The following ARHGAP6 variants were observed in gnomAD, a reference collection of about 807,000 sequenced individuals.
ARHGAP6 encodes the protein rho GTPase-activating protein 6.
ARHGAP6 carries 16 observed loss-of-function variants against 55.7 expected under a neutral mutation model. The observed-to-expected ratio is 0.29, with a 90% CI of 0.19 to 0.44. ARHGAP6 has a LOEUF of 0.44. Among genes scored for constraint, ARHGAP6 ranks in the 20% least tolerant of loss-of-function variants. The pLI, the probability that ARHGAP6 is intolerant of heterozygous loss-of-function variation, is 1.00. For synonymous variants in ARHGAP6, 382 were observed against 360.9 expected (o/e 1.06, Z -0.66); for missense variants, 698 against 808.9 (o/e 0.86, Z 1.66).
chrX:11,624,671 C>G (rs2052273564), intron 1 of ARHGAP6, among the ~76,000 whole-genome samples: 1 of 112,368 alleles, frequency 8.9e-6, no homozygotes, highest in East Asian at 2.8e-4. Context: ...CCTGCCTCAG[C>G]CTCCTGAGTA....
intron 1 of ARHGAP6, among the ~76,000 whole-genome samples, chrX:11,346,934 CAAACA>C (rs913605617): frequency 1.0e-5 from 1 of 99,767 alleles, no homozygotes; most frequent in Non-Finnish European, 2.0e-5. Context: ...AACAAACAAA[CAAACA>C]AACAAACAAA....
At chrX:11,368,847 C>A (rs1325776434) in intron 1 of ARHGAP6, among the ~76,000 whole-genome samples, 1 of 111,608 alleles carries the variant, frequency 9.0e-6, no homozygotes, top group Non-Finnish European at 1.9e-5. Context: ...AATTGTCACC[C>A]TTTTAAATTT....
At chrX:11,507,483 A>G (rs2050745905) in intron 1 of ARHGAP6, among the ~76,000 whole-genome samples, 1 of 112,050 alleles carries the variant, frequency 8.9e-6, no homozygotes, top group East Asian at 2.8e-4. Context: ...GTACATTTGT[A>G]TCTTCTTAAA....
chrX:11,257,593 T>C (rs947228363), intron 1 of ARHGAP6, among the ~76,000 whole-genome samples: 1 of 112,462 alleles, frequency 8.9e-6, no homozygotes, highest in Non-Finnish European at 1.9e-5. Context: ...TTTGTTCTTA[T>C]TTACTAAGTC....
At chrX:11,330,351 G>C (rs1013208207) in intron 1 of ARHGAP6, among the ~76,000 whole-genome samples, 1 of 112,159 alleles carries the variant, frequency 8.9e-6, no homozygotes, top group African/African-American at 3.2e-5. Context: ...ATGTTAATCA[G>C]CTCGATTTAA....
chrX:11,262,793 G>A (rs905458247), intron 1 of ARHGAP6, among the ~76,000 whole-genome samples: 2 of 111,313 alleles, frequency 1.8e-5, no homozygotes, highest in Non-Finnish European at 3.8e-5. Context: ...TGGTGGTGAA[G>A]ACTTGGATTC....
chrX:11,272,223 G>A (rs967950052), intron 1 of ARHGAP6, among the ~76,000 whole-genome samples: 2 of 111,608 alleles, frequency 1.8e-5, no homozygotes, highest in Non-Finnish European at 3.8e-5. Flanking sequence ...AATTACCACA[G>A]GTGGATAGTG....
At position 11,286,227 on chromosome X, in the gene ARHGAP6, G is replaced by C. The variant is rs372034491; in HGVS notation, c.589-31520C>G. Among the ~76,000 whole-genome samples, 21 of 111,360 alleles carry C rather than the reference G, an allele frequency of 1.9e-4. No individual in the cohort carries two copies. In the South Asian group the frequency reaches 5.4e-3, roughly 28 times the overall value. On this transcript the variant is annotated intron_variant, in intron 1 of 12. Transcript: ENST00000337414. ...TCTTTTTATTTCCATAGGTTTTTGG[G>C]GAACAGGTGATATTTGGTTACATGA... is the stretch of plus-strand genomic sequence containing the variant.
intron 1 of ARHGAP6, among the ~76,000 whole-genome samples, chrX:11,616,599 A>T (rs963871499): frequency 2.7e-5 from 3 of 111,816 alleles, no homozygotes; most frequent in Non-Finnish European, 5.6e-5. Context: ...AAGTGCTAGG[A>T]TTACAGGTGT....
At chrX:11,639,939 T>C (rs1392790417) in intron 1 of ARHGAP6, among the ~76,000 whole-genome samples, 1 of 111,449 alleles carries the variant, frequency 9.0e-6, no homozygotes, top group Non-Finnish European at 1.9e-5. Flanking sequence ...TAAGCCATTT[T>C]TTGTTAAAAA....
intron 1 of ARHGAP6, among the ~76,000 whole-genome samples, chrX:11,485,590 G>T (rs1332765217): frequency 1.8e-5 from 2 of 112,400 alleles, no homozygotes; most frequent in South Asian, 3.7e-4. Flanking sequence ...AAACTGTTCA[G>T]CAATTTATAA....
intron 1 of ARHGAP6, among the ~76,000 whole-genome samples, chrX:11,496,573 A>G (rs759632529): frequency 6.8e-4 from 75 of 110,870 alleles, no homozygotes; most frequent in Middle Eastern, 4.8e-3. Flanking sequence ...ATTTTGAACT[A>G]GAAAAAAAAA....
At chrX:11,566,510 T>TA (rs1343906783) in intron 1 of ARHGAP6, among the ~76,000 whole-genome samples, 1 of 112,316 alleles carries the variant, frequency 8.9e-6, no homozygotes, top group Non-Finnish European at 1.9e-5. Context: ...ATAAAATGTT[T>TA]ATGTTAATTC....
At chrX:11,602,912 G>A (rs1353500515) in intron 1 of ARHGAP6, among the ~76,000 whole-genome samples, 2 of 112,412 alleles carry the variant, frequency 1.8e-5, no homozygotes, top group Non-Finnish European at 3.8e-5. Context: ...AGTGCTTATG[G>A]ACTCATGCTT....
rs12850119 is a variant in ARHGAP6 at position 11,470,366 on chromosome X, A to G, written c.588+193875T>C. Among the ~76,000 whole-genome samples, 18 of 111,661 alleles carry G rather than the reference A, an allele frequency of 1.6e-4. 1 individual carries two copies. Among genetic ancestry groups the G allele is most frequent in the Non-Finnish European group, 2.4e-4 (13 of 53,083 alleles). On this transcript the variant is annotated intron_variant, in intron 1 of 12. Transcript: ENST00000337414. ...TAAACCTGGTTAAAAAAATATATTCACCAAGAGCCTCTGGGCATAGGTACA... is the reference window on the plus strand; with the variant it reads ...TAAACCTGGTTAAAAAAATATATTCGCCAAGAGCCTCTGGGCATAGGTACA...
chrX:11,601,985 A>G (rs779677223), intron 1 of ARHGAP6, among the ~76,000 whole-genome samples: 2 of 111,884 alleles, frequency 1.8e-5, no homozygotes, highest in Admixed American at 1.9e-4. Flanking sequence ...TGCTAGTCAT[A>G]GTAGTGCTGT....
Position 11,664,289 on chromosome X carries a change from C to A in ARHGAP6, c.540G>T (p.Gln180His). The A allele has an allele frequency of 8.3e-7, 1 of 1,211,811 alleles. No individual in the cohort carries two copies. Among genetic ancestry groups the A allele is most frequent in the Non-Finnish European group, 1.1e-6 (1 of 895,445 alleles). The change falls in exon 1 of 13, where the codon CAG (glutamine) becomes CAT (histidine). Residue 180 changes from glutamine (Q) to histidine (H), a missense_variant. Coordinates refer to ENST00000337414, the MANE Select transcript of ARHGAP6 (RefSeq NM_013427.3). ...GGTGCCCGCGACTGTCGGGTGGGGA[C>A]TGGAACTTCCTCTGCTGGAGCCACC... ...PRRWLQQRKF[Q>H]SPPDSRGHPY...
At chrX:11,369,182 GT>G (rs1419851215) in intron 1 of ARHGAP6, among the ~76,000 whole-genome samples, 1 of 111,232 alleles carries the variant, frequency 9.0e-6, no homozygotes, top group Non-Finnish European at 1.9e-5. Flanking sequence ...TTGTTTGTTT[GT>G]TTGTTTGTTT....
intron 1 of ARHGAP6, among the ~76,000 whole-genome samples, chrX:11,523,319 T>C (rs1036349165): frequency 2.6e-4 from 29 of 110,964 alleles, no homozygotes; most frequent in Non-Finnish European, 2.1e-4. Flanking sequence ...CTTTGAAAAC[T>C]GGCACAAGAC....
Sources: allele counts gnomAD v4.1 joint callset (sites outside exome capture counted in the v4.1 genomes callset), GRCh38; gene constraint gnomAD v4.1.1; transcripts MANE v1.5; gene names NCBI Gene and HGNC (gene_info 2026-07-23, HGNC 2026-07-21).